FBXO25: variants seen among roughly 807,000 people sequenced by gnomAD.
FBXO25 encodes the protein F-box protein 25.
FBXO25 carries 45 observed loss-of-function variants against 51.9 expected under a neutral mutation model. The ratio of observed to expected loss-of-function variants is 0.87; its 90% CI spans 0.68 to 1.11. The LOEUF (loss-of-function observed/expected upper bound fraction) is 1.11. FBXO25 is among the 50% of genes most tolerant of loss of function. The probability of loss-of-function intolerance (pLI) is 0.00; values close to 1 mark genes in which losing one functional copy is unlikely to be tolerated. For synonymous variants in FBXO25, 199 were observed against 151.0 expected, an observed-to-expected ratio of 1.32 and a Z score of -2.33; for missense variants, 507 against 428.5, an observed-to-expected ratio of 1.18 and a Z score of -1.62.
intron 7 of FBXO25, among the ~76,000 whole-genome samples, chr8:457,320 C>G (rs1374573245): frequency 6.6e-6 from 1 of 152,178 alleles, no homozygotes; most frequent in African/African-American, 2.4e-5. Flanking sequence ...AGTTTGAGCT[C>G]AAACCCAATC....
chr8:449,296 G>A (rs1169103429), intron 5 of FBXO25, among the ~76,000 whole-genome samples: 3 of 152,236 alleles, frequency 2.0e-5, no homozygotes, highest in Non-Finnish European at 2.9e-5. Flanking sequence ...AGGGGTAACT[G>A]GAAAAGCAGG....
At chr8:420,588 A>G (rs1431560046) in intron 2 of FBXO25, 2 of 152,272 alleles carry the variant, frequency 1.3e-5, no homozygotes, top group Non-Finnish European at 2.9e-5. Flanking sequence ...CTACAGGAGA[A>G]TACCACTCAA....
At chr8:416,846 A>T (rs1796834063) in intron 2 of FBXO25, among the ~76,000 whole-genome samples, 1 of 152,210 alleles carries the variant, frequency 6.6e-6, no homozygotes, top group Non-Finnish European at 1.5e-5. Flanking sequence ...ATTCTGGTGA[A>T]ACAGATAGGC....
rs116115585 is a variant in FBXO25 at position 463,673 on chromosome 8, A to G, written c.987+523A>G. On this transcript the variant is annotated intron_variant, in intron 9 of 9. Coordinates refer to ENST00000350302, the MANE Select transcript of FBXO25 (RefSeq NM_183420.2). ...TAAAATCTGCATTTTTCTCATTCAT[A>G]TGATCAGAACTTAACAAGACTATCG... Among the ~76,000 whole-genome samples, 371 of 152,334 alleles carry G rather than the reference A, an allele frequency of 2.4e-3. 1 individual carries two copies. The highest frequency in any genetic ancestry group is 8.1e-3 in the African/African-American group (336 of 41,574).
intron 2 of FBXO25, among the ~76,000 whole-genome samples, chr8:419,027 C>G (rs1796990213): frequency 6.6e-6 from 1 of 152,140 alleles, no homozygotes; most frequent in Non-Finnish European, 1.5e-5. Flanking sequence ...AAAAGATGAA[C>G]TTCATATTAA....
chr8:457,790 G>T (rs11994588), intron 7 of FBXO25, among the ~76,000 whole-genome samples: 3 of 152,194 alleles, frequency 2.0e-5, no homozygotes, highest in Non-Finnish European at 4.4e-5. Flanking sequence ...TGCTGCCAAT[G>T]TAGACAGATT....
In FBXO25 at chr8:455,083, G is replaced by C. The variant is rs535005518; in HGVS notation, c.661-3286G>C. Among the ~76,000 whole-genome samples the C allele has an allele frequency of 7.0e-4, 106 of 152,236 alleles. 2 individuals are homozygous for C. In the South Asian group the frequency reaches 0.021, roughly 31 times the overall value. On this transcript the variant is annotated intron_variant, in intron 7 of 9. Transcript: ENST00000350302. ...GCTAACGAAATTCCCAGAAGTTGCA[G>C]AATTGACTCCTGTGAGAAGGTATGG...
chr8:421,737 G>A (rs1047615323), intron 2 of FBXO25, among the ~76,000 whole-genome samples: 4 of 152,152 alleles, frequency 2.6e-5, no homozygotes, highest in Non-Finnish European at 5.9e-5. Context: ...CTGAGATGGT[G>A]GATCCTAAGG....
At position 435,519 on chromosome 8, in the gene FBXO25, T is replaced by G. The variant is rs1392291910; in HGVS notation, c.289-96T>G. ...CTTCAAAATAAAAACAAATTGTCCT[T>G]TGCCAAAAATTTTTTTAATCGCACA... On this transcript the variant is annotated intron_variant, in intron 4 of 9. Transcript: ENST00000350302. The G allele has an allele frequency of 1.0e-5, 13 of 1,266,218 alleles. No homozygotes were observed. In the Admixed American group the frequency reaches 3.4e-4, roughly 33 times the overall value. The allele number at this position is 1,266,218 out of a possible 1,614,324, so 78.4% of individuals were successfully genotyped here.
intron 9 of FBXO25, 83 bp from the exon 10 acceptor site, chr8:468,632 G>A: frequency 1.9e-6 from 2 of 1,027,592 alleles, no homozygotes; most frequent in Non-Finnish European, 3.0e-6. Context: ...ACATCAACAA[G>A]CAGCTGACGA....
intron 5 of FBXO25, among the ~76,000 whole-genome samples, chr8:444,808 T>C (rs1157822490): frequency 6.6e-6 from 1 of 152,228 alleles, no homozygotes; most frequent in Admixed American, 6.5e-5. Flanking sequence ...ATGTTACAGT[T>C]GCTGTTCAGT....
chr8:414,240 C>G (rs749997887), intron 2 of FBXO25, among the ~76,000 whole-genome samples: 34 of 152,146 alleles, frequency 2.2e-4, no homozygotes, highest in Non-Finnish European at 4.6e-4. Flanking sequence ...ATGTTGATAG[C>G]TGTAAAACTT....
Position 473,233 on chromosome 8 carries a change from G to T in FBXO25, c.*4429G>T, listed in dbSNP as rs1033733965. 2 of 152,280 alleles carry T rather than the reference G, an allele frequency of 1.3e-5. No homozygotes were observed. The highest frequency in any genetic ancestry group is 1.3e-4 in the Admixed American group (2 of 15,288). The allele number at this position is 152,280 out of a possible 1,614,324, so 9.4% of individuals were successfully genotyped here. A position where few individuals can be genotyped will look rare whatever the true frequency, so the allele number is the denominator to read the frequency against. On this transcript the variant is annotated 3_prime_UTR_variant, in exon 10 of 10. Coordinates refer to ENST00000350302, the MANE Select transcript of FBXO25 (RefSeq NM_183420.2). ...CGTCCCATGGGCTAAATGCCACTGA[G>T]CCGGTAGGAGCTGCTCAGGTGTAGC...
chr8:455,404 T>G (rs1403754712), intron 7 of FBXO25, among the ~76,000 whole-genome samples: 1 of 152,080 alleles, frequency 6.6e-6, no homozygotes, highest in African/African-American at 2.4e-5. Flanking sequence ...GACTTTGAAG[T>G]GGGTGCGAGG....
chr8:421,840 C>T lies in FBXO25; in HGVS notation c.134+8627C>T, dbSNP rs567881555. On this transcript the variant is annotated intron_variant, in intron 2 of 9. Coordinates refer to ENST00000350302, the MANE Select transcript of FBXO25 (RefSeq NM_183420.2). ...GTCAGATATCAGAAGGGTAGATGTC[C>T]GTCAAAAAGTGCTGCATTGGCCAAA... 4.1e-4 allele frequency among the ~76,000 whole-genome samples: 63 copies of T among 152,006 alleles called. No individual in the cohort carries two copies. The South Asian group carries it at 0.012, about 28-fold the overall frequency.
At chr8:439,795 C>T (rs1481182107) in intron 5 of FBXO25, among the ~76,000 whole-genome samples, 4 of 152,140 alleles carry the variant, frequency 2.6e-5, no homozygotes, top group East Asian at 3.9e-4. Context: ...TGGCCAGGTG[C>T]GGTGACTCAT....
intron 1 of FBXO25, among the ~76,000 whole-genome samples, chr8:410,480 A>C (rs2117396312): frequency 6.6e-6 from 1 of 152,208 alleles, no homozygotes; most frequent in African/African-American, 2.4e-5. Flanking sequence ...GTTGATATTG[A>C]GAGATAATTT....
At chr8:463,268 T>G in intron 9 of FBXO25, 118 bp downstream of exon 9, 1 of 1,129,396 alleles carries the variant, frequency 8.9e-7, no homozygotes, top group Non-Finnish European at 1.3e-6. Flanking sequence ...ATAAGTAAGT[T>G]AAGGAGATAT....
intron 5 of FBXO25, among the ~76,000 whole-genome samples, chr8:439,363 C>G (rs2116635874): frequency 6.6e-6 from 1 of 152,204 alleles, no homozygotes; most frequent in South Asian, 2.1e-4. Flanking sequence ...CGGTGTGCAA[C>G]TGAAATTTAT....
Sources: allele counts gnomAD v4.1 joint callset (sites outside exome capture counted in the v4.1 genomes callset), GRCh38; gene constraint gnomAD v4.1.1; transcripts MANE v1.5; gene names NCBI Gene and HGNC (gene_info 2026-07-23, HGNC 2026-07-21).